DSCAML1: variants seen among roughly 807,000 people sequenced by gnomAD.
The protein encoded by DSCAML1 is DS cell adhesion molecule like 1.
In DSCAML1, 38 loss-of-function variants were observed where a neutral mutation model predicts 200.5. The observed-to-expected ratio is 0.19, with a 90% confidence interval of 0.15 to 0.25. The LOEUF (loss-of-function observed/expected upper bound fraction) is 0.25. Among genes scored for constraint, DSCAML1 ranks in the 10% least tolerant of loss-of-function variants. DSCAML1 has a pLI of 1.00. For missense variants in DSCAML1, 2,223 were observed against 2,858.8 expected (o/e 0.78, Z 5.07); for synonymous variants, 1,215 against 1,165.0 (o/e 1.04, Z -0.87).
At position 117,439,368 on chromosome 11, in the gene DSCAML1, G is replaced by C; in HGVS notation, c.4042C>G (p.Leu1348Val). The C allele has an allele frequency of 6.2e-7, 1 of 1,613,994 alleles. No homozygotes were observed. ...GHRLIHTNGT[L>V]LLRAVKAEDS... ...TCAGCCTTCACTGCACGCAGCAGCA[G>C]TGTGCCATTGGTGTGGATGAGCCGG... The change falls in exon 23 of 33, where the codon CTG becomes GTG. Residue 1348 changes from leucine to valine, a missense_variant. Transcript: ENST00000651296.
chr11:117,540,060 AG>A (rs552592868), intron 3 of DSCAML1, among the ~76,000 whole-genome samples: 41 of 152,370 alleles, frequency 2.7e-4, no homozygotes, highest in African/African-American at 7.9e-4. Context: ...CTTTACTTAT[AG>A]GAAGTATTGG....
chr11:117,625,990 G>A (rs1233882347), intron 3 of DSCAML1, among the ~76,000 whole-genome samples: 1 of 152,358 alleles, frequency 6.6e-6, no homozygotes, highest in East Asian at 1.9e-4. Flanking sequence ...GACATCGGTG[G>A]AGGAGGCATT....
intron 3 of DSCAML1, among the ~76,000 whole-genome samples, chr11:117,716,309 C>T (rs552151727): frequency 6.6e-6 from 1 of 152,372 alleles, no homozygotes; most frequent in East Asian, 1.9e-4. Flanking sequence ...GAGCAAGTTA[C>T]GTTCCCTCTC....
chr11:117,812,469 C>A lies in DSCAML1; in HGVS notation c.-250+4921G>T, dbSNP rs1223414324. On this transcript the variant is annotated intron_variant, in intron 1 of 2. Transcript: ENST00000525836. The stretch of plus-strand genomic sequence containing the variant: ...CCATGGTGCCAAACCCATATACTCT[C>A]CTATCCGCAATACCTCCCTCCACAA... Among the ~76,000 whole-genome samples, 3 of 152,168 alleles carry A rather than the reference C, an allele frequency of 2.0e-5. No homozygotes were observed. In the East Asian group the frequency reaches 5.8e-4, roughly 29 times the overall value.
chr11:117,617,550 C>A (rs1482029356), intron 3 of DSCAML1, among the ~76,000 whole-genome samples: 1 of 152,012 alleles, frequency 6.6e-6, no homozygotes, highest in African/African-American at 2.4e-5. Context: ...GAATAGTCTG[C>A]GCAATTAACA....
chr11:117,700,176 T>C (rs902436405), intron 3 of DSCAML1, among the ~76,000 whole-genome samples: 6 of 152,192 alleles, frequency 3.9e-5, no homozygotes, highest in African/African-American at 7.2e-5. Flanking sequence ...CAGTAGATGT[T>C]TGAAGAATGA....
intron 3 of DSCAML1, among the ~76,000 whole-genome samples, chr11:117,624,796 T>C (rs375526520): frequency 9.9e-5 from 15 of 152,034 alleles, no homozygotes; most frequent in Admixed American, 5.9e-4. Flanking sequence ...AGCCAGCCCA[T>C]TGGGAAGAGA....
chr11:117,496,999 C>T (rs905883977), intron 11 of DSCAML1, among the ~76,000 whole-genome samples: 4 of 152,176 alleles, frequency 2.6e-5, no homozygotes, highest in Non-Finnish European at 2.9e-5. Flanking sequence ...TCCCATGTTT[C>T]GTTGGTTCAG....
intron 3 of DSCAML1, among the ~76,000 whole-genome samples, chr11:117,734,736 G>C (rs1254159269): frequency 1.3e-5 from 2 of 152,208 alleles, no homozygotes; most frequent in Non-Finnish European, 2.9e-5. Context: ...TGCAGGGCCT[G>C]GTGCATAGCT....
intron 3 of DSCAML1, among the ~76,000 whole-genome samples, chr11:117,688,230 G>A (rs74778631): frequency 0.031 from 4,784 of 152,330 alleles, 130 homozygotes; most frequent in African/African-American, 0.071. Flanking sequence ...ACCCCGAGGG[G>A]CAGAGAAGGC....
chr11:117,438,446 C>T (rs993813646), intron 24 of DSCAML1, among the ~76,000 whole-genome samples: 1 of 152,084 alleles, frequency 6.6e-6, no homozygotes, highest in Admixed American at 6.5e-5. Context: ...CTAGACACGG[C>T]CCCCTGAGCA....
At chr11:117,692,782 T>G (rs1359052889) in intron 3 of DSCAML1, among the ~76,000 whole-genome samples, 1 of 152,182 alleles carries the variant, frequency 6.6e-6, no homozygotes. Context: ...TATTTATTGC[T>G]GGATGGGGAG....
chr11:117,780,348 C>A lies in DSCAML1; in HGVS notation c.364+145G>T. The A allele has an allele frequency of 1.8e-6, 1 of 551,196 alleles. No individual in the cohort carries two copies. The allele number at this position is 551,196 out of a possible 1,614,324, so 34.1% of individuals were successfully genotyped here. A position where few individuals can be genotyped will look rare whatever the true frequency, so the allele number is the denominator to read the frequency against. ...GGTGTCTCTTATGCCTATGGACACA[C>A]AGCAAGTGGTACAACAAAGATTCAA... is the stretch of plus-strand genomic sequence containing the variant. On this transcript the variant is annotated intron_variant, in intron 2 of 32. Transcript: ENST00000651296. The surrounding 1 kb of genome is among the most constrained non-coding windows in gnomAD (Gnocchi z 4.8).
rs112248837 is a variant in DSCAML1 at position 117,797,176 on chromosome 11, C to A, written c.-97G>T. On this transcript the variant is annotated 5_prime_UTR_variant, in exon 1 of 33. Transcript: ENST00000651296. ...CAGCGCGCTCCCAGCCGCCCGCACT[C>A]GGCGCCCCGCTCTCTCTGCTCCTCA... is the stretch of plus-strand genomic sequence containing the variant. 1 of 1,573,328 alleles carries A rather than the reference C, an allele frequency of 6.4e-7. No individual in the cohort carries two copies. Among genetic ancestry groups the A allele is most frequent in the Admixed American group, 1.8e-5 (1 of 55,050 alleles).
At chr11:117,536,841 G>C (rs1371408614) in intron 3 of DSCAML1, among the ~76,000 whole-genome samples, 1 of 152,126 alleles carries the variant, frequency 6.6e-6, no homozygotes, top group Non-Finnish European at 1.5e-5. Context: ...ACCCTGACCT[G>C]TTTTGCCATC....
At chr11:117,615,129 G>A (rs1565827643) in intron 3 of DSCAML1, among the ~76,000 whole-genome samples, 1 of 152,232 alleles carries the variant, frequency 6.6e-6, no homozygotes, top group Non-Finnish European at 1.5e-5. Flanking sequence ...GACCCTGGGA[G>A]GGCCAGTTGA....
intron 3 of DSCAML1, among the ~76,000 whole-genome samples, chr11:117,608,693 C>T (rs191952358): frequency 6.4e-4 from 97 of 152,266 alleles, no homozygotes; most frequent in Admixed American, 3.6e-3. Flanking sequence ...CATAAGTCTT[C>T]ATCTGTATTT....
At chr11:117,569,206 T>A (rs573736524) in intron 3 of DSCAML1, among the ~76,000 whole-genome samples, 1 of 152,180 alleles carries the variant, frequency 6.6e-6, no homozygotes, top group East Asian at 1.9e-4. Flanking sequence ...TTACACCTTA[T>A]ACAAAAATCA....
At chr11:117,533,596 G>T (rs1449312816) in intron 3 of DSCAML1, among the ~76,000 whole-genome samples, 1 of 152,218 alleles carries the variant, frequency 6.6e-6, no homozygotes, top group Non-Finnish European at 1.5e-5. Context: ...TATGTCTCCT[G>T]CCACTGCCAC....
Sources: allele counts gnomAD v4.1 joint callset (sites outside exome capture counted in the v4.1 genomes callset), GRCh38; gene constraint gnomAD v4.1.1; non-coding constraint Gnocchi (gnomAD v3.1); transcripts MANE v1.5; gene names NCBI Gene and HGNC (gene_info 2026-07-23, HGNC 2026-07-21).